The following SEC24B variants were observed in gnomAD, a reference collection of about 807,000 sequenced individuals.
SEC24B encodes protein transport protein Sec24B.
SEC24B carries 45 observed loss-of-function variants against 142.8 expected under a neutral mutation model. The ratio of observed to expected loss-of-function variants is 0.32; its 90% CI spans 0.25 to 0.40. SEC24B has a LOEUF of 0.40. SEC24B is among the 10% of genes least tolerant of loss of function. The pLI is 1.00. For synonymous variants in SEC24B, 574 were observed against 568.2 expected (o/e 1.01, Z -0.15); for missense variants, 1,409 against 1,526.8 (o/e 0.92, Z 1.29).
chr4:109,462,939 G>A lies in SEC24B; in HGVS notation c.172G>A (p.Gly58Arg), dbSNP rs1731433936. ...QNQMQVPSGY[G>R]LHHQNYIAPS... ...TCAAATGCAGGTTCCATCTGGATAT[G>A]GATTGCATCATCAAAACTATATTGC... Residue 58 changes from glycine to arginine, a missense_variant, in exon 2 of 24, where the codon GGA (glycine) becomes AGA (arginine). By Grantham distance (125) the Gly-to-Arg change is moderately radical (BLOSUM62 -2). Around this residue, in one of 2 missense-constraint regions of SEC24B, gnomAD observed 709 missense variants for 673.5 expected, o/e 1.05. Transcript: ENST00000265175. 6.2e-7 allele frequency: 1 copy of A among 1,612,182 alleles called. No individual in the cohort carries two copies. Among genetic ancestry groups the A allele is most frequent in the Middle Eastern group, 1.6e-4 (1 of 6,062 alleles).
chr4:109,513,936 C>T (rs1436536766), intron 10 of SEC24B, 80 bp downstream of exon 10: 7 of 910,100 alleles, frequency 7.7e-6, no homozygotes, highest in East Asian at 5.0e-5. Context: ...GAACTCTTAT[C>T]GAGATTTTGA....
chr4:109,511,304 T>G (rs977639954), intron 8 of SEC24B, among the ~76,000 whole-genome samples: 10 of 152,130 alleles, frequency 6.6e-5, no homozygotes, highest in East Asian at 1.9e-4. Context: ...ACAACAGATA[T>G]GTGGTTACTT....
intron 11 of SEC24B, among the ~76,000 whole-genome samples, chr4:109,517,279 A>G (rs1319106379): frequency 6.6e-5 from 10 of 151,068 alleles, no homozygotes; most frequent in Admixed American, 6.6e-4. Flanking sequence ...TGCAAATGGA[A>G]TACTATCCAG....
At position 109,463,342 on chromosome 4, in the gene SEC24B, C is replaced by T. The variant is rs201240080; in HGVS notation, c.575C>T (p.Ala192Val). ...GCTATGTCAACTGTTTCTAATGCCG[C>T]GTATCCTAGTGTTTCATATCCCTCT... ...HYAMSTVSNAAYPSVSYPSLP... is the reference protein window; with the variant it reads ...HYAMSTVSNAVYPSVSYPSLP... The change falls in exon 2 of 24, where the codon GCG (alanine) becomes GTG (valine). Residue 192 changes from alanine (A) to valine (V), a missense_variant. By Grantham distance (64) the Ala-to-Val change is moderately conservative. Around this residue, in one of 2 missense-constraint regions of SEC24B, gnomAD observed 709 missense variants for 673.5 expected, o/e 1.05. Coordinates refer to ENST00000265175, the MANE Select transcript of SEC24B (RefSeq NM_006323.5). The T allele has an allele frequency of 1.4e-5, 23 of 1,614,082 alleles. No individual in the cohort carries two copies. The highest frequency in any genetic ancestry group is 1.0e-4 in the Admixed American group (6 of 60,004).
At chr4:109,460,434 G>A (rs1731134945) in intron 1 of SEC24B, among the ~76,000 whole-genome samples, 1 of 152,002 alleles carries the variant, frequency 6.6e-6, no homozygotes, top group South Asian at 2.1e-4. Flanking sequence ...CCTTCCACAA[G>A]ACAGAAAAAT....
chr4:109,514,059 A>G (rs1737666801), intron 10 of SEC24B, among the ~76,000 whole-genome samples: 1 of 152,208 alleles, frequency 6.6e-6, no homozygotes, highest in Non-Finnish European at 1.5e-5. Context: ...TCTATGAATA[A>G]GAAATGTTAG....
At chr4:109,470,393 A>G (rs1329424514) in intron 2 of SEC24B, among the ~76,000 whole-genome samples, 1 of 152,206 alleles carries the variant, frequency 6.6e-6, no homozygotes, top group Non-Finnish European at 1.5e-5. Flanking sequence ...TCTGTAGACT[A>G]CACTTTGAGT....
intron 6 of SEC24B, among the ~76,000 whole-genome samples, chr4:109,500,641 G>A (rs115047731): frequency 0.014 from 2,051 of 151,432 alleles, 43 homozygotes; most frequent in African/African-American, 0.046. Context: ...GTAAACTAAT[G>A]TATTACAGAA....
chr4:109,513,204 A>AC (rs1737555648), intron 9 of SEC24B, among the ~76,000 whole-genome samples: 1 of 150,216 alleles, frequency 6.7e-6, no homozygotes. Flanking sequence ...CGAACTCCTG[A>AC]CCTCGTGATC....
At chr4:109,534,936 C>T (rs1249712482) in intron 22 of SEC24B, among the ~76,000 whole-genome samples, 2 of 152,138 alleles carry the variant, frequency 1.3e-5, no homozygotes, top group Non-Finnish European at 2.9e-5. Context: ...CCTTGGCCTC[C>T]CAGAGTGCTG....
chr4:109,507,355 A>G (rs113826351), intron 7 of SEC24B, among the ~76,000 whole-genome samples: 13,615 of 150,008 alleles, frequency 0.091, 696 homozygotes, highest in Middle Eastern at 0.18. Flanking sequence ...GCTGACTGCA[A>G]CCTCCGCCTC....
chr4:109,495,572 A>G (rs1333915101), intron 6 of SEC24B, among the ~76,000 whole-genome samples: 1 of 152,180 alleles, frequency 6.6e-6, no homozygotes, highest in Non-Finnish European at 1.5e-5. Flanking sequence ...CATCTTGAGG[A>G]GGCAATGTCT....
chr4:109,464,632 A>G (rs1179128661), intron 2 of SEC24B, among the ~76,000 whole-genome samples: 1 of 152,234 alleles, frequency 6.6e-6, no homozygotes, highest in Non-Finnish European at 1.5e-5. Flanking sequence ...AAATGCATGT[A>G]AAAAATGGGA....
intron 1 of SEC24B, among the ~76,000 whole-genome samples, chr4:109,441,701 CATGTGT>C (rs67641019): frequency 0.099 from 15,123 of 152,180 alleles, 814 homozygotes; most frequent in Middle Eastern, 0.18. Flanking sequence ...CGTGAGCCAC[CATGTGT>C]GGCCTTGGTT....
intron 10 of SEC24B, among the ~76,000 whole-genome samples, chr4:109,515,551 C>G (rs1406123512): frequency 6.6e-6 from 1 of 152,122 alleles, no homozygotes; most frequent in Non-Finnish European, 1.5e-5. Flanking sequence ...TGGTCTCAAA[C>G]TCCTGGGCCC....
intron 2 of SEC24B, among the ~76,000 whole-genome samples, chr4:109,472,550 T>C (rs934584632): frequency 6.6e-6 from 1 of 152,170 alleles, no homozygotes; most frequent in African/African-American, 2.4e-5. Context: ...TAGAAGTGTT[T>C]ATGGAATTCA....
intron 9 of SEC24B, 147 bp downstream of exon 9, chr4:109,512,230 A>G: frequency 1.4e-6 from 1 of 711,390 alleles, no homozygotes; most frequent in Non-Finnish European, 2.3e-6. Flanking sequence ...TAAGGCTAGG[A>G]CTAGGGATTC....
At chr4:109,495,231 A>G (rs1470084263) in intron 6 of SEC24B, among the ~76,000 whole-genome samples, 2 of 152,230 alleles carry the variant, frequency 1.3e-5, no homozygotes, top group Non-Finnish European at 2.9e-5. Flanking sequence ...TTCTCCTTAG[A>G]AAATGACAGG....
chr4:109,530,236 G>A (rs1724747786), intron 18 of SEC24B, 53 bp from the exon 19 acceptor site: 3 of 1,485,238 alleles, frequency 2.0e-6, no homozygotes, highest in Non-Finnish European at 2.7e-6. Context: ...CTCTCTTATA[G>A]TGCCCATTGG....
Sources: allele counts gnomAD v4.1 joint callset (sites outside exome capture counted in the v4.1 genomes callset), GRCh38; gene constraint gnomAD v4.1.1; regional missense constraint gnomAD v4.1.1; transcripts MANE v1.5; gene names NCBI Gene and HGNC (gene_info 2026-07-23, HGNC 2026-07-21).